AFAP1: variants seen among roughly 807,000 people sequenced by gnomAD.
AFAP1 encodes the protein actin filament associated protein 1, also known as actin filament-associated protein 1.
In AFAP1, 75 loss-of-function variants were observed where a neutral mutation model predicts 93.9. That is an observed-to-expected ratio of 0.80 (90% CI 0.66 to 0.97). The LOEUF is 0.97. Ranked by LOEUF, AFAP1 falls within the 50% of genes least tolerant of loss-of-function variation. The pLI, the probability that AFAP1 is intolerant of heterozygous loss-of-function variation, is 0.00. For synonymous variants in AFAP1, 517 were observed against 430.7 expected, an observed-to-expected ratio of 1.20 and a Z score of -2.48; for missense variants, 1,201 against 1,050.8, an observed-to-expected ratio of 1.14 and a Z score of -1.98.
intron 1 of AFAP1, among the ~76,000 whole-genome samples, chr4:7,887,536 G>C (rs890761610): frequency 2.6e-5 from 4 of 152,152 alleles, no homozygotes; most frequent in African/African-American, 9.7e-5. Flanking sequence ...ATGTTAAAAA[G>C]TATTCAAATG....
chr4:7,898,871 T>C (rs926044700), intron 1 of AFAP1, among the ~76,000 whole-genome samples: 3 of 147,300 alleles, frequency 2.0e-5, no homozygotes, highest in African/African-American at 7.4e-5. Flanking sequence ...TATATATATG[T>C]GTGTGTGGTG....
chr4:7,930,924 T>C (rs372694381), intron 1 of AFAP1, among the ~76,000 whole-genome samples: 113 of 152,312 alleles, frequency 7.4e-4, no homozygotes, highest in Middle Eastern at 3.4e-3. Flanking sequence ...CTAATTTTTG[T>C]ATTTTTTAGT....
At chr4:7,848,134 A>G (rs1232274187) in intron 4 of AFAP1, among the ~76,000 whole-genome samples, 1 of 129,668 alleles carries the variant, frequency 7.7e-6, no homozygotes, top group African/African-American at 2.9e-5. Context: ...GAAGGGAGTG[A>G]GTGAGGGAGT....
intron 1 of AFAP1, among the ~76,000 whole-genome samples, chr4:7,914,674 G>A (rs1210842326): frequency 1.3e-5 from 2 of 152,154 alleles, no homozygotes; most frequent in Non-Finnish European, 2.9e-5. Flanking sequence ...GGGGCTGCTG[G>A]ATCACACTGT....
intron 1 of AFAP1, among the ~76,000 whole-genome samples, chr4:7,927,204 C>T (rs530198017): frequency 1.3e-5 from 2 of 152,232 alleles, no homozygotes; most frequent in Non-Finnish European, 2.9e-5. Flanking sequence ...ACATACACAG[C>T]TCTAGCAGAG....
rs114404306 is a variant in AFAP1, at chr4:7,924,227, C to T, written c.-3+15429G>A. On this transcript the variant is annotated intron_variant, in intron 1 of 17. Transcript: ENST00000420658. ...GTAGTTCCGTTTATCTTTAAAATCACTGGGCTGACCTAGCAAACCTCCAAG... is the reference window on the plus strand; with the variant it reads ...GTAGTTCCGTTTATCTTTAAAATCATTGGGCTGACCTAGCAAACCTCCAAG... Among the ~76,000 whole-genome samples the T allele has an allele frequency of 2.3e-3, 347 of 152,330 alleles. 2 individuals carry two copies. The highest frequency in any genetic ancestry group is 7.9e-3 in the African/African-American group (330 of 41,592).
At chr4:7,885,325 A>C (rs1718082844) in intron 1 of AFAP1, among the ~76,000 whole-genome samples, 1 of 152,096 alleles carries the variant, frequency 6.6e-6, no homozygotes, top group Non-Finnish European at 1.5e-5. Flanking sequence ...TGCACGTGCC[A>C]CTGCTCTCTG....
At chr4:7,825,288 C>T (rs1471083428) in intron 6 of AFAP1, among the ~76,000 whole-genome samples, 1 of 152,186 alleles carries the variant, frequency 6.6e-6, no homozygotes, top group Non-Finnish European at 1.5e-5. Context: ...ATCACTCTAG[C>T]GCACTACCTT....
chr4:7,761,468 T>G lies in AFAP1; in HGVS notation c.*2297A>C, dbSNP rs1713787937. On this transcript the variant is annotated 3_prime_UTR_variant, in exon 18 of 18. Transcript: ENST00000420658. Reference sequence around the variant, plus strand: ...CCCTGCTAAGGCTCCGGGGCCTCCTTGCCTGGTGAGGAAGCTGGTGGGTGA... The same window carrying G: ...CCCTGCTAAGGCTCCGGGGCCTCCTGGCCTGGTGAGGAAGCTGGTGGGTGA... 6.6e-6 allele frequency: 1 copy of G among 152,196 alleles called. No individual in the cohort carries two copies. The highest frequency in any genetic ancestry group is 2.1e-4 in the South Asian group (1 of 4,834). 9.4% of individuals were successfully genotyped at this position (152,196 alleles called of 1,614,324 possible).
chr4:7,898,930 CAT>C (rs917477017), intron 1 of AFAP1, among the ~76,000 whole-genome samples: 9 of 147,222 alleles, frequency 6.1e-5, no homozygotes, highest in South Asian at 2.1e-4. Context: ...TATATAAAAA[CAT>C]ATAAATGTAT....
chr4:7,893,660 ACCTGTGCTTCTCAACCTTT>A (rs1301599526), intron 1 of AFAP1, among the ~76,000 whole-genome samples: 1 of 151,692 alleles, frequency 6.6e-6, no homozygotes, highest in African/African-American at 2.4e-5. Context: ...AACACCCTAA[ACCTGTGCTTCTCAACCTTT>A]CCTGGGGACA....
intron 4 of AFAP1, among the ~76,000 whole-genome samples, chr4:7,850,354 A>AT (rs1560198537): frequency 6.6e-6 from 1 of 152,202 alleles, no homozygotes; most frequent in Non-Finnish European, 1.5e-5. Context: ...GCAGCATTAC[A>AT]TAATGTATTT....
At chr4:7,926,476 G>A (rs536755542) in intron 1 of AFAP1, among the ~76,000 whole-genome samples, 2 of 152,156 alleles carry the variant, frequency 1.3e-5, no homozygotes, top group Non-Finnish European at 2.9e-5. Context: ...TCCCAGGGAC[G>A]GACAAATGCC....
intron 8 of AFAP1, among the ~76,000 whole-genome samples, chr4:7,812,975 C>A (rs1473414055): frequency 6.6e-6 from 1 of 152,188 alleles, no homozygotes; most frequent in Non-Finnish European, 1.5e-5. Context: ...TCAGCCCACA[C>A]TCCTCACACC....
chr4:7,855,275 G>C (rs547715768), intron 4 of AFAP1, among the ~76,000 whole-genome samples, 191 bp downstream of exon 4: 2 of 152,332 alleles, frequency 1.3e-5, no homozygotes, highest in African/African-American at 4.8e-5. Flanking sequence ...CGGAAGAGAG[G>C]CTTGTGTGTG....
At chr4:7,767,817 C>A (rs13128692) in intron 17 of AFAP1, among the ~76,000 whole-genome samples, 58,208 of 152,130 alleles carry the variant, frequency 0.38, 13,444 homozygotes, top group Non-Finnish European at 0.53. Flanking sequence ...CAGTGGCTCA[C>A]GACTGTAATC....
In AFAP1 at chr4:7,879,550, A is replaced by G. The variant is rs115760099; in HGVS notation, c.-2-7470T>C. Among the ~76,000 whole-genome samples, 971 of 152,178 alleles carry G rather than the reference A, an allele frequency of 6.4e-3. 7 individuals carry two copies. The highest frequency in any genetic ancestry group is 0.02 in the African/African-American group (851 of 41,518). Reference sequence around the variant, plus strand: ...TTCCCCAAACACCGACACCAAACAAAAGATCTGACCACGGAATTTAGCATT... The same window carrying G: ...TTCCCCAAACACCGACACCAAACAAGAGATCTGACCACGGAATTTAGCATT... On this transcript the variant is annotated intron_variant, in intron 1 of 17. Coordinates refer to ENST00000420658, the MANE Select transcript of AFAP1 (RefSeq NM_001134647.2).
chr4:7,898,808 A>AGAGTGT (rs376959896), intron 1 of AFAP1, among the ~76,000 whole-genome samples: 19 of 137,026 alleles, frequency 1.4e-4, no homozygotes, highest in African/African-American at 5.2e-4. Context: ...GGGCAGTAGA[A>AGAGTGT]GTGTGTGTGT....
chr4:7,811,777 C>T (rs890835586), intron 8 of AFAP1, among the ~76,000 whole-genome samples: 2 of 152,150 alleles, frequency 1.3e-5, no homozygotes, highest in Admixed American at 1.3e-4. Context: ...TTCCAGCCTC[C>T]AGGGCCGTCT....
Sources: allele counts gnomAD v4.1 joint callset (sites outside exome capture counted in the v4.1 genomes callset), GRCh38; gene constraint gnomAD v4.1.1; transcripts MANE v1.5; gene names NCBI Gene and HGNC (gene_info 2026-07-23, HGNC 2026-07-21).